DNAJC10: variants seen among roughly 807,000 people sequenced by gnomAD.
DNAJC10 encodes endoplasmic reticulum disulfide reductase DNAJC10.
In DNAJC10, 101 loss-of-function variants were observed where a neutral mutation model predicts 115.0. That is an observed-to-expected ratio of 0.88 (90% confidence interval 0.75 to 1.04). The LOEUF (loss-of-function observed/expected upper bound fraction) is 1.04. Among genes scored for constraint, DNAJC10 ranks in the 50% least tolerant of loss-of-function variants. DNAJC10 has a pLI of 0.00. For synonymous variants in DNAJC10, 307 were observed against 301.5 expected, an observed-to-expected ratio of 1.02 and a Z score of -0.19; for missense variants, 981 against 928.8, an observed-to-expected ratio of 1.06 and a Z score of -0.73.
At chr2:182,741,880 C>T (rs557107818) in intron 13 of DNAJC10, among the ~76,000 whole-genome samples, 4 of 151,684 alleles carry the variant, frequency 2.6e-5, no homozygotes, top group Admixed American at 6.6e-5. Context: ...TAGACATACA[C>T]GTGTAAATTT....
chr2:182,754,069 T>C (rs2105673132), intron 16 of DNAJC10, among the ~76,000 whole-genome samples: 1 of 152,332 alleles, frequency 6.6e-6, no homozygotes, highest in Non-Finnish European at 1.5e-5. Flanking sequence ...CTTAGTTTCC[T>C]AATTTATACA....
chr2:182,738,463 A>G (rs1693641169), intron 11 of DNAJC10, among the ~76,000 whole-genome samples: 1 of 152,204 alleles, frequency 6.6e-6, no homozygotes, highest in South Asian at 2.1e-4. Flanking sequence ...GGAAACAGAA[A>G]TGAGTGACTC....
chr2:182,785,082 T>C lies in DNAJC10; in HGVS notation c.*7950T>C, dbSNP rs933371425. 6.6e-6 allele frequency: 1 copy of C among 152,294 alleles called. No homozygotes were observed. Among genetic ancestry groups the C allele is most frequent in the South Asian group, 2.1e-4 (1 of 4,826 alleles). The allele number at this position is 152,294 out of a possible 1,614,324, so 9.4% of individuals were successfully genotyped here. On this transcript the variant is annotated 3_prime_UTR_variant, in exon 24 of 24. Transcript: ENST00000264065. ...ATTTCGCATCCAAAAGTTTGTAATC[T>C]AGTGTAATAAATAGGACAGATACTC...
chr2:182,767,705 C>T (rs1694450316), intron 22 of DNAJC10, among the ~76,000 whole-genome samples: 1 of 152,062 alleles, frequency 6.6e-6, no homozygotes, highest in Non-Finnish European at 1.5e-5. Context: ...GAGAGTCCAC[C>T]CCAGCATCAT....
intron 22 of DNAJC10, among the ~76,000 whole-genome samples, chr2:182,772,749 G>T (rs1270607825): frequency 6.6e-6 from 1 of 151,994 alleles, no homozygotes; most frequent in Non-Finnish European, 1.5e-5. Flanking sequence ...ACATGAGATG[G>T]GTCTCCTGAA....
intron 14 of DNAJC10, among the ~76,000 whole-genome samples, chr2:182,751,324 G>A (rs944018715): frequency 6.6e-6 from 1 of 151,408 alleles, no homozygotes; most frequent in African/African-American, 2.4e-5. Context: ...TAGTAGAGAC[G>A]GGGGTTTCAC....
chr2:182,735,261 CG>C (rs1376011496), intron 10 of DNAJC10, among the ~76,000 whole-genome samples: 14 of 151,776 alleles, frequency 9.2e-5, no homozygotes, highest in African/African-American at 3.4e-4. Flanking sequence ...TGCTACCTAA[CG>C]CAAGAGTACT....
At position 182,728,500 on chromosome 2, in the gene DNAJC10, CA is replaced by C. The variant is rs530528815; in HGVS notation, c.419-71del. The C allele has an allele frequency of 6.9e-4, 728 of 1,049,500 alleles. 5 individuals are homozygous for C. The African/African-American group carries it at 0.011, about 16-fold the overall frequency. The allele number at this position is 1,049,500 out of a possible 1,614,324, so 65.0% of individuals were successfully genotyped here. A position where few individuals can be genotyped will look rare whatever the true frequency, so the allele number is the denominator to read the frequency against. On this transcript the variant is annotated intron_variant, in intron 5 of 23. Coordinates refer to ENST00000264065, the MANE Select transcript of DNAJC10 (RefSeq NM_018981.4). ...TGACTTTTTAAAATTCTGATCTCCA[CA>C]AAAAGTTTTTAACTAAAATATGCAT... is the stretch of plus-strand genomic sequence containing the variant.
chr2:182,731,520 T>G (rs1171603399), intron 9 of DNAJC10, among the ~76,000 whole-genome samples: 1 of 152,138 alleles, frequency 6.6e-6, no homozygotes, highest in Non-Finnish European at 1.5e-5. Flanking sequence ...CTCATACAAT[T>G]ATATACTTGA....
intron 8 of DNAJC10, chr2:182,730,468 G>T: frequency 2.5e-6 from 1 of 405,178 alleles, no homozygotes; most frequent in East Asian, 7.6e-5. Context: ...CCTGCCATCA[G>T]TGACTTCATT....
chr2:182,772,177 T>G (rs2105705117), intron 22 of DNAJC10, among the ~76,000 whole-genome samples: 1 of 152,372 alleles, frequency 6.6e-6, no homozygotes, highest in Admixed American at 6.5e-5. Context: ...CACTGTGGTC[T>G]GAGAGACAAT....
chr2:182,760,932 C>T (rs1694271616), intron 21 of DNAJC10, among the ~76,000 whole-genome samples: 1 of 152,114 alleles, frequency 6.6e-6, no homozygotes, highest in African/African-American at 2.4e-5. Context: ...CTCCATTTCT[C>T]ATGTACTAAA....
chr2:182,740,102 A>G (rs1043213987), intron 11 of DNAJC10, 197 bp from the exon 12 acceptor site: 1 of 985,790 alleles, frequency 1.0e-6, no homozygotes. Flanking sequence ...TTTAAGAAAC[A>G]GCTTAGTTAT....
At chr2:182,755,187 G>C in intron 17 of DNAJC10, 83 bp downstream of exon 17, 1 of 835,360 alleles carries the variant, frequency 1.2e-6, no homozygotes, top group East Asian at 2.6e-5. Flanking sequence ...TTGTTTAATA[G>C]GATTTACTCT....
intron 2 of DNAJC10, 107 bp downstream of exon 2, chr2:182,717,179 A>G (rs1257456953): frequency 6.6e-6 from 1 of 152,190 alleles, no homozygotes; most frequent in Non-Finnish European, 1.5e-5. Flanking sequence ...TTGGAACTAA[A>G]ATATAGTGGT....
rs1028837773 is a variant in DNAJC10, at chr2:182,794,054, C to T, written c.*16922C>T. 1 of 152,074 alleles carries T rather than the reference C, an allele frequency of 6.6e-6. No homozygotes were observed. 9.4% of individuals were successfully genotyped at this position (152,074 alleles called of 1,614,324 possible). On this transcript the variant is annotated 3_prime_UTR_variant, in exon 24 of 24. Transcript: ENST00000264065. Reference sequence around the variant, plus strand: ...TAGGTGGTTAGGTGATGAAACACCTCCTCCAAATGAAGGCATAAACAACAA... The same window carrying T: ...TAGGTGGTTAGGTGATGAAACACCTTCTCCAAATGAAGGCATAAACAACAA...
chr2:182,749,530 T>A (rs1226750623), intron 14 of DNAJC10, among the ~76,000 whole-genome samples: 3 of 150,848 alleles, frequency 2.0e-5, no homozygotes. Flanking sequence ...TCCATCCTTT[T>A]ATTTTGAGCC....
At chr2:182,758,773 T>C in intron 19 of DNAJC10, 64 bp from the exon 20 acceptor site, 1 of 1,137,860 alleles carries the variant, frequency 8.8e-7, no homozygotes, top group Non-Finnish European at 1.3e-6. Context: ...ACAATAAGAT[T>C]GTTTTCTGAA....
intron 11 of DNAJC10, among the ~76,000 whole-genome samples, chr2:182,737,374 T>G (rs1693610918): frequency 6.6e-6 from 1 of 152,246 alleles, no homozygotes; most frequent in Non-Finnish European, 1.5e-5. Context: ...TATACTCATT[T>G]CAGAAATTCA....
Sources: allele counts gnomAD v4.1 joint callset (sites outside exome capture counted in the v4.1 genomes callset), GRCh38; gene constraint gnomAD v4.1.1; transcripts MANE v1.5; gene names NCBI Gene and HGNC (gene_info 2026-07-23, HGNC 2026-07-21).